Variants in CAPN2 observed in about 807,000 individuals in gnomAD.
The protein encoded by CAPN2 is calpain 2.
CAPN2 carries 92 observed loss-of-function variants against 102.3 expected under a neutral mutation model. The observed-to-expected ratio is 0.90, with a 90% confidence interval of 0.76 to 1.07. The LOEUF is 1.07. Among genes scored for constraint, CAPN2 ranks in the 50% least tolerant of loss-of-function variants. The probability of loss-of-function intolerance (pLI) is 0.00; values close to 1 mark genes in which losing one functional copy is unlikely to be tolerated. For synonymous variants in CAPN2, 340 were observed against 355.4 expected, an observed-to-expected ratio of 0.96 and a Z score of 0.49; for missense variants, 800 against 909.4, an observed-to-expected ratio of 0.88 and a Z score of 1.55.
Position 223,737,719 on chromosome 1 carries a change from G to C in CAPN2, c.308-6381G>C, listed in dbSNP as rs1262449070. On this transcript the variant is annotated intron_variant, in intron 2 of 20. Transcript: ENST00000295006. Reference sequence around the variant, plus strand: ...AAAAGAGACGGGGCGGGGGGTGGGGGGGAGAGAATACAATAACACCATGTA... The same window carrying C: ...AAAAGAGACGGGGCGGGGGGTGGGGCGGAGAGAATACAATAACACCATGTA... Among the ~76,000 whole-genome samples, 200 of 83,938 alleles carry C rather than the reference G, an allele frequency of 2.4e-3. 13 individuals are homozygous for C. Among genetic ancestry groups the C allele is most frequent in the African/African-American group, 6.8e-3 (167 of 24,554 alleles). 55.1% of individuals were successfully genotyped at this position (83,938 alleles called of 152,430 possible).
intron 11 of CAPN2, chr1:223,757,758 C>T (rs940771082): frequency 3.8e-6 from 1 of 261,810 alleles, no homozygotes; most frequent in Admixed American, 5.1e-5. Flanking sequence ...TAGAAGACAA[C>T]GCGGGAGCAC....
chr1:223,711,667 G>T (rs1659730385), upstream of CAPN2, among the ~76,000 whole-genome samples: 5 of 152,204 alleles, frequency 3.3e-5, no homozygotes, highest in South Asian at 1.0e-3. Flanking sequence ...CTGGAGCGCA[G>T]TGGCGCGATC....
At chr1:223,760,155 G>T (rs953089876) in intron 12 of CAPN2, among the ~76,000 whole-genome samples, 1 of 152,228 alleles carries the variant, frequency 6.6e-6, no homozygotes, top group African/African-American at 2.4e-5. Context: ...GGAATTCATC[G>T]AAAGGCCATT....
chr1:223,749,245 G>T (rs1026018632), intron 6 of CAPN2, 123 bp downstream of exon 6: 9 of 815,826 alleles, frequency 1.1e-5, no homozygotes, highest in Middle Eastern at 3.4e-4. Flanking sequence ...CTCGGGCCCC[G>T]CACTCCTGAA....
intron 18 of CAPN2, 41 bp downstream of exon 18, chr1:223,770,566 GTC>G: frequency 7.5e-7 from 1 of 1,331,614 alleles, no homozygotes. Context: ...AGTTTAATCT[GTC>G]TGTAGAATAT....
chr1:223,767,196 T>A (rs941468302), intron 16 of CAPN2, among the ~76,000 whole-genome samples: 8 of 151,672 alleles, frequency 5.3e-5, no homozygotes, highest in African/African-American at 1.5e-4. Context: ...TTATTTATTT[T>A]TTATTATTAT....
intron 4 of CAPN2, among the ~76,000 whole-genome samples, chr1:223,746,473 A>ATTTTTTTTTTT (rs1420617646): frequency 4.8e-5 from 5 of 105,226 alleles, no homozygotes; most frequent in East Asian, 2.7e-4. Context: ...TTCTACGAGA[A>ATTTTTTTTTTT]TCTTTTTTTT....
In CAPN2 at chr1:223,746,475, C is replaced by CTTTTTTTTTTTTTTT. The variant is rs60366533; in HGVS notation, c.561-515_561-501dup. On this transcript the variant is annotated intron_variant, in intron 4 of 20. Transcript: ENST00000295006. The stretch of plus-strand genomic sequence containing the variant: ...TCCGACTCTAAGGTTCTACGAGAAT[C>CTTTTTTTTTTTTTTT]TTTTTTTTTTTTTTTTTTTTTAATA... 2.8e-3 allele frequency among the ~76,000 whole-genome samples: 305 copies of CTTTTTTTTTTTTTTT among 108,450 alleles called. 41 individuals are homozygous for CTTTTTTTTTTTTTTT. Among genetic ancestry groups the CTTTTTTTTTTTTTTT allele is most frequent in the African/African-American group, 0.013 (292 of 22,580 alleles). The allele number at this position is 108,450 out of a possible 152,430, so 71.1% of individuals were successfully genotyped here. A position where few individuals can be genotyped will look rare whatever the true frequency, so the allele number is the denominator to read the frequency against.
intron 2 of CAPN2, among the ~76,000 whole-genome samples, chr1:223,737,860 C>T (rs1225730182): frequency 1.3e-5 from 2 of 151,976 alleles, no homozygotes; most frequent in Admixed American, 6.6e-5. Flanking sequence ...ACCTTAGGGG[C>T]TACAGATGGG....
chr1:223,718,135 T>G lies in CAPN2; in HGVS notation c.307+304T>G, dbSNP rs145657603. 1.5e-3 allele frequency among the ~76,000 whole-genome samples: 227 copies of G among 152,320 alleles called. 1 individual carries two copies. Among genetic ancestry groups the G allele is most frequent in the African/African-American group, 4.5e-3 (186 of 41,584 alleles). On this transcript the variant is annotated intron_variant, in intron 2 of 20. Transcript: ENST00000295006. ...CAGCCACCCCTTGGTATGCACCTCCTGGAGCCAGCATTACCAGTGGTTCAC... is the reference window on the plus strand; with the variant it reads ...CAGCCACCCCTTGGTATGCACCTCCGGGAGCCAGCATTACCAGTGGTTCAC...
rs141650140 is a variant in CAPN2, at chr1:223,755,804, G to A, written c.1305+155G>A. 9.9e-5 allele frequency: 75 copies of A among 760,890 alleles called. No homozygotes were observed. The East Asian group carries it at 2.1e-3, about 21-fold the overall frequency. 47.1% of individuals were successfully genotyped at this position (760,890 alleles called of 1,614,324 possible). ...ACTACCAGCCTGGCCAGGCTCAGGA[G>A]TAGCCCCCGTAGGGAGGCCCCTGCA... On this transcript the variant is annotated intron_variant, in intron 10 of 20. Coordinates refer to ENST00000295006, the MANE Select transcript of CAPN2 (RefSeq NM_001748.5). The surrounding 1 kb of genome is among the most constrained non-coding windows in gnomAD (Gnocchi z 4.1).
intron 2 of CAPN2, among the ~76,000 whole-genome samples, chr1:223,743,294 C>T (rs10915702): frequency 0.24 from 35,882 of 152,074 alleles, 7,224 homozygotes; most frequent in African/African-American, 0.55. Context: ...AGAAACCCTT[C>T]GGGACAGTCC....
Position 223,726,104 on chromosome 1 carries a change from C to T in CAPN2, c.307+8273C>T, listed in dbSNP as rs1271939824. On this transcript the variant is annotated intron_variant, in intron 2 of 20. Coordinates refer to ENST00000295006, the MANE Select transcript of CAPN2 (RefSeq NM_001748.5). This position sits in a 1 kb window ranked among gnomAD's most constrained non-coding sequence, Gnocchi z 4.4. ...CTGTATTTTGCTACCCCAGCCCAAGCAAGACTAGTAGTTCAGCTTTGTGAA... is the reference window on the plus strand; with the variant it reads ...CTGTATTTTGCTACCCCAGCCCAAGTAAGACTAGTAGTTCAGCTTTGTGAA... Among the ~76,000 whole-genome samples the T allele has an allele frequency of 7.1e-3, 1 of 140 alleles. No homozygotes were observed. Among genetic ancestry groups the T allele is most frequent in the Non-Finnish European group, 0.022 (1 of 46 alleles). The allele number at this position is 140 out of a possible 152,430, so 0.1% of individuals were successfully genotyped here. A position where few individuals can be genotyped will look rare whatever the true frequency, so the allele number is the denominator to read the frequency against.
chr1:223,742,519 T>TA (rs1491526049), intron 2 of CAPN2, among the ~76,000 whole-genome samples: 6,370 of 51,148 alleles, frequency 0.12, 84 homozygotes, highest in South Asian at 0.17. Context: ...TATATATATA[T>TA]TTTTTTTTTT....
intron 7 of CAPN2, among the ~76,000 whole-genome samples, chr1:223,751,592 G>A (rs1153966): frequency 0.047 from 7,085 of 150,080 alleles, 547 homozygotes; most frequent in African/African-American, 0.17. Context: ...CGTGGACAGA[G>A]AGACACCTGC....
At chr1:223,723,833 A>C (rs970559895) in intron 2 of CAPN2, among the ~76,000 whole-genome samples, 7 of 151,472 alleles carry the variant, frequency 4.6e-5, no homozygotes, top group African/African-American at 1.7e-4. Flanking sequence ...CTCTCCAGGA[A>C]TAGGAGCAGT....
chr1:223,763,249 T>G (rs973764061), intron 14 of CAPN2, among the ~76,000 whole-genome samples: 11 of 151,906 alleles, frequency 7.2e-5, no homozygotes, highest in Non-Finnish European at 5.9e-5. Flanking sequence ...GGAGGAACTT[T>G]CCAATCATTG....
intron 2 of CAPN2, among the ~76,000 whole-genome samples, chr1:223,739,310 A>G (rs555041107): frequency 6.6e-6 from 1 of 151,156 alleles, no homozygotes; most frequent in East Asian, 2.0e-4. Flanking sequence ...CAGCCTCTCC[A>G]GTAGCTGGGA....
Position 223,752,843 on chromosome 1 carries a change from G to A in CAPN2, c.1022G>A (p.Cys341Tyr). 1 of 1,614,152 alleles carries A rather than the reference G, an allele frequency of 6.2e-7. No homozygotes were observed. The highest frequency in any genetic ancestry group is 8.5e-7 in the Non-Finnish European group (1 of 1,180,034). ...FLRHYSRLEI[C>Y]NLTPDTLTSD... is the part of the protein sequence containing the mutation. ...AGGCACTATTCCCGCCTGGAGATCT[G>A]TAACCTGACCCCAGACACTCTCACC... is the stretch of plus-strand genomic sequence containing the variant. Residue 341 changes from cysteine to tyrosine, a missense_variant, in exon 9 of 21, where the codon TGT (cysteine) becomes TAT (tyrosine). By Grantham distance (194) the Cys-to-Tyr change is radical (BLOSUM62 -2). Coordinates refer to ENST00000295006, the MANE Select transcript of CAPN2 (RefSeq NM_001748.5).
Sources: allele counts gnomAD v4.1 joint callset (sites outside exome capture counted in the v4.1 genomes callset), GRCh38; gene constraint gnomAD v4.1.1; non-coding constraint Gnocchi (gnomAD v3.1); transcripts MANE v1.5; gene names NCBI Gene and HGNC (gene_info 2026-07-23, HGNC 2026-07-21).